PRH1: variants seen among roughly 807,000 people sequenced by gnomAD.
PRH1 encodes the protein proline rich protein HaeIII subfamily 1.
A neutral mutation model predicts 7.9 loss-of-function variants in PRH1; 7 were observed. The observed-to-expected ratio is 0.89, with a 90% CI of 0.50 to 1.67. PRH1 has a LOEUF of 1.67. PRH1 is among the 40% of genes most tolerant of loss of function. The pLI, the probability that PRH1 is intolerant of heterozygous loss-of-function variation, is 0.00. For missense variants in PRH1, 109 were observed against 223.6 expected (o/e 0.49, Z 3.27); for synonymous variants, 45 against 80.8 (o/e 0.56, Z 2.38).
At chr12:11,044,216 T>C (rs955001976) in intron 1 of PRH1, among the ~76,000 whole-genome samples, 1 of 152,174 alleles carries the variant, frequency 6.6e-6, no homozygotes, top group Non-Finnish European at 1.5e-5. Context: ...CAATAAATGG[T>C]GCTGGGACAA....
At chr12:11,094,251 G>A (rs1945018424) in intron 1 of PRH1, among the ~76,000 whole-genome samples, 1 of 83,806 alleles carries the variant, frequency 1.2e-5, no homozygotes, top group African/African-American at 4.2e-5. Flanking sequence ...GCAGTAAACT[G>A]AGATCACGCC....
At chr12:11,137,082 G>C (rs141413939) in intron 1 of PRH1, among the ~76,000 whole-genome samples, 1 of 152,086 alleles carries the variant, frequency 6.6e-6, no homozygotes, top group Non-Finnish European at 1.5e-5. Context: ...ATAGTAGCTT[G>C]TCTGTTGCTG....
At chr12:11,030,983 A>G (rs1942177645) in intron 1 of PRH1, 1 of 1,614,300 alleles carries the variant, frequency 6.2e-7, no homozygotes, top group Non-Finnish European at 8.5e-7. Flanking sequence ...TAAGTGAAGA[A>G]AAATAAGGTT....
chr12:11,154,913 A>AGTCCAGCAT (rs11274608), intron 1 of PRH1, among the ~76,000 whole-genome samples: 68,633 of 151,460 alleles, frequency 0.45, 16,286 homozygotes, highest in Non-Finnish European at 0.52. Context: ...CTTCCTGTTT[A>AGTCCAGCAT]GTCAAAGAGC....
At chr12:11,015,926 C>T (rs1484348972) in intron 1 of PRH1, among the ~76,000 whole-genome samples, 4 of 152,370 alleles carry the variant, frequency 2.6e-5, no homozygotes, top group East Asian at 3.9e-4. Context: ...TAGACATTCC[C>T]TGCAGGGCAC....
chr12:11,063,880 T>C (rs966818545), intron 1 of PRH1, among the ~76,000 whole-genome samples: 10 of 152,098 alleles, frequency 6.6e-5, no homozygotes, highest in African/African-American at 2.4e-4. Context: ...TGTATAACAA[T>C]GTATACAAAT....
chr12:10,931,515 T>C (rs1428744591), intron 2 of PRH1, among the ~76,000 whole-genome samples: 3 of 152,208 alleles, frequency 2.0e-5, no homozygotes, highest in African/African-American at 7.2e-5. Flanking sequence ...TGGTATCTCA[T>C]TTTTTAAAAC....
rs568309484 is a variant in PRH1 at position 10,902,820 on chromosome 12, G to A, written c.-58-18545C>T. ...ATAAAATCTTTTATAGACAAGCAAAGGGTAAAGGAATTTATTACCACTGGA... is the reference window on the plus strand; with the variant it reads ...ATAAAATCTTTTATAGACAAGCAAAAGGTAAAGGAATTTATTACCACTGGA... On this transcript the variant is annotated intron_variant, in intron 2 of 3. Coordinates refer to the PRH1 transcript ENST00000539853. 1.8e-4 allele frequency among the ~76,000 whole-genome samples: 28 copies of A among 152,168 alleles called. No individual in the cohort carries two copies. In the South Asian group the frequency reaches 5.8e-3, roughly 32 times the overall value.
At chr12:10,892,251 T>G (rs866197329) in intron 2 of PRH1, among the ~76,000 whole-genome samples, 18 of 152,240 alleles carry the variant, frequency 1.2e-4, no homozygotes, top group Middle Eastern at 3.4e-3. Flanking sequence ...CATGGAGAAT[T>G]TTTTTCCCAA....
chr12:10,956,905 A>C (rs1416448773), intron 2 of PRH1, among the ~76,000 whole-genome samples: 1 of 152,152 alleles, frequency 6.6e-6, no homozygotes, highest in Non-Finnish European at 1.5e-5. Flanking sequence ...GTTCAATTAA[A>C]TCCAATAAGA....
intron 1 of PRH1, among the ~76,000 whole-genome samples, chr12:11,009,195 T>C (rs2136037609): frequency 6.6e-6 from 1 of 152,044 alleles, no homozygotes; most frequent in East Asian, 1.9e-4. Context: ...AAAAGTCTAC[T>C]GTTCCTTGGA....
intron 1 of PRH1, among the ~76,000 whole-genome samples, chr12:11,042,775 G>A (rs1591875120): frequency 6.6e-6 from 1 of 151,580 alleles, no homozygotes; most frequent in South Asian, 2.1e-4. Context: ...GACTACAGGC[G>A]CCCACCACCA....
intron 1 of PRH1, among the ~76,000 whole-genome samples, chr12:11,017,967 C>A (rs140429903): frequency 6.6e-6 from 1 of 152,190 alleles, no homozygotes; most frequent in African/African-American, 2.4e-5. Context: ...ACCTACCTAG[C>A]CTCTGCCAAA....
chr12:11,045,317 C>CAAAAAAAAAAAAAAAAAAA (rs34515459), intron 1 of PRH1, among the ~76,000 whole-genome samples: 1 of 138,780 alleles, frequency 7.2e-6, no homozygotes, highest in Non-Finnish European at 1.6e-5. Context: ...TAATGGTTAC[C>CAAAAAAAAAAAAAAAAAAA]AAAAAAAAAA....
intron 1 of PRH1, among the ~76,000 whole-genome samples, chr12:11,002,695 G>A (rs1459735696): frequency 2.0e-5 from 3 of 151,964 alleles, no homozygotes; most frequent in Non-Finnish European, 2.9e-5. Flanking sequence ...AGCAGTCAAA[G>A]TAATACTACA....
chr12:11,153,133 T>G (rs895016914), intron 1 of PRH1, among the ~76,000 whole-genome samples: 2 of 152,156 alleles, frequency 1.3e-5, no homozygotes, highest in African/African-American at 2.4e-5. Context: ...AGACAAGACA[T>G]TGAGTGAGGC....
intron 1 of PRH1, among the ~76,000 whole-genome samples, chr12:11,152,364 T>A (rs1947126193): frequency 6.6e-6 from 1 of 151,942 alleles, no homozygotes; most frequent in Non-Finnish European, 1.5e-5. Context: ...CTTTCATTAT[T>A]TTTGACATAT....
At chr12:11,036,143 T>A (rs2136111895) in intron 1 of PRH1, among the ~76,000 whole-genome samples, 1 of 152,332 alleles carries the variant, frequency 6.6e-6, no homozygotes, top group Middle Eastern at 3.4e-3. Flanking sequence ...TCCACCCACC[T>A]CGGCCTCCCG....
chr12:10,910,669 A>C (rs1949885540), intron 2 of PRH1, among the ~76,000 whole-genome samples: 1 of 152,138 alleles, frequency 6.6e-6, no homozygotes, highest in Admixed American at 6.6e-5. Context: ...TCTTTCAAAA[A>C]CTACCGAAAA....
Sources: gnomAD v4.1 joint callset for allele counts (sites outside exome capture counted in the v4.1 genomes callset) on GRCh38, gnomAD v4.1.1 for gene constraint, MANE v1.5 for transcripts, NCBI Gene and HGNC (gene_info 2026-07-23, HGNC 2026-07-21) for gene names.